Variants in EVL observed in about 807,000 individuals in gnomAD.
EVL encodes the protein Enah/Vasp-like.
Under a neutral mutation model 59.6 loss-of-function variants are expected in EVL, and 21 were observed. That is an observed-to-expected ratio of 0.35 (90% CI 0.25 to 0.51). The LOEUF (loss-of-function observed/expected upper bound fraction) is 0.51, where lower values mean the gene tolerates loss of function less well. EVL is among the 20% of genes least tolerant of loss of function. The pLI, the probability that EVL is intolerant of heterozygous loss-of-function variation, is 0.97. For missense variants in EVL, 462 were observed against 546.6 expected (o/e 0.85, Z 1.54); for synonymous variants, 198 against 203.5 (o/e 0.97, Z 0.23).
At chr14:100,086,090 C>T (rs1481552219) in intron 2 of EVL, among the ~76,000 whole-genome samples, 10 of 152,164 alleles carry the variant, frequency 6.6e-5, no homozygotes, top group East Asian at 5.8e-4. Flanking sequence ...GATCGCACCA[C>T]GGCACTCCAG....
At chr14:100,001,762 AG>A (rs1195690406) in intron 1 of EVL, among the ~76,000 whole-genome samples, 5 of 152,224 alleles carry the variant, frequency 3.3e-5, no homozygotes, top group Non-Finnish European at 5.9e-5. Context: ...AACCCTGTAC[AG>A]GGACTGTGTA....
intron 1 of EVL, among the ~76,000 whole-genome samples, chr14:100,036,719 A>G (rs1329823121): frequency 6.6e-6 from 1 of 152,198 alleles, no homozygotes; most frequent in Non-Finnish European, 1.5e-5. Flanking sequence ...TCATCTTCAA[A>G]ATTGTCAGAC....
intron 1 of EVL, among the ~76,000 whole-genome samples, chr14:100,067,128 C>CTGCTTGCA (rs1400980056): frequency 6.6e-6 from 1 of 152,184 alleles, no homozygotes; most frequent in Non-Finnish European, 1.5e-5. Context: ...CCGTACAAGG[C>CTGCTTGCA]TGCTTGCACT....
At chr14:99,983,852 C>T (rs2060823881) in intron 1 of EVL, among the ~76,000 whole-genome samples, 1 of 152,114 alleles carries the variant, frequency 6.6e-6, no homozygotes, top group Non-Finnish European at 1.5e-5. Context: ...GGGCCCTTTC[C>T]TGTTAATTAC....
chr14:100,143,730 ACCACGTAAGGGGCCGG>A lies in EVL; in HGVS notation c.1252_*10del, dbSNP rs1298406481. 2.5e-6 allele frequency: 4 copies of A among 1,612,398 alleles called. No homozygotes were observed. The highest frequency in any genetic ancestry group is 3.4e-6 in the Non-Finnish European group (4 of 1,179,878). ...CAGGCAGGAGCTGAGTGGGATCAGC[ACCACGTAAGGGGCCGG>A]CCTCGCTGCGCTGATTCGTCGAGCC... On this transcript the variant is annotated stop_lost and 3_prime_UTR_variant, in exon 14 of 14. Transcript: ENST00000392920.
chr14:100,010,950 C>G (rs1471340995), intron 1 of EVL, among the ~76,000 whole-genome samples: 1 of 152,106 alleles, frequency 6.6e-6, no homozygotes, highest in Non-Finnish European at 1.5e-5. Flanking sequence ...GCACTGAGGA[C>G]TGGAAGTTTT....
intron 3 of EVL, chr14:100,107,192 C>T (rs1006152584): frequency 5.0e-6 from 2 of 398,606 alleles, no homozygotes; most frequent in South Asian, 2.5e-4. Flanking sequence ...CACTGTAGGT[C>T]CTCTCAGAAC....
chr14:100,011,648 TAA>T (rs145193531), intron 1 of EVL, among the ~76,000 whole-genome samples: 8,566 of 152,134 alleles, frequency 0.056, 443 homozygotes, highest in East Asian at 0.28. Context: ...TGCCCAAGAG[TAA>T]AGTTTTGACT....
intron 1 of EVL, among the ~76,000 whole-genome samples, chr14:100,007,566 C>T (rs1461131879): frequency 6.6e-6 from 1 of 152,166 alleles, no homozygotes; most frequent in Non-Finnish European, 1.5e-5. Flanking sequence ...TGCGTGATAC[C>T]CTTGGGAACT....
chr14:100,143,846 G>T lies in EVL; in HGVS notation c.*108G>T. On this transcript the variant is annotated 3_prime_UTR_variant, in exon 14 of 14. Coordinates refer to ENST00000392920, the MANE Select transcript of EVL (RefSeq NM_016337.3). ...TGCACCAGAGCACGCACAGGAGCCT[G>T]GGCGCGCTGCTGTGAAACGTCCTGA... 1.5e-6 allele frequency: 2 copies of T among 1,365,670 alleles called. No individual in the cohort carries two copies. The highest frequency in any genetic ancestry group is 1.0e-6 in the Non-Finnish European group (1 of 988,190). 84.6% of individuals were successfully genotyped at this position (1,365,670 alleles called of 1,614,324 possible). A position where few individuals can be genotyped will look rare whatever the true frequency, so the allele number is the denominator to read the frequency against.
At chr14:100,097,399 G>A (rs1376093045) in intron 2 of EVL, 82 bp from the exon 3 acceptor site, 8 of 1,259,742 alleles carry the variant, frequency 6.4e-6, no homozygotes, top group Non-Finnish European at 7.7e-6. Flanking sequence ...CAAGGATACA[G>A]TATACTTGCT....
At position 100,129,822 on chromosome 14, in the gene EVL, T is replaced by TG. The variant is rs561179435; in HGVS notation, c.839+138_839+139insG. ...TTAGCCAAGCAGGGGAAACTGTTAC[T>TG]TAAGTTTTCCCTTCCCAAGGGGTTA... On this transcript the variant is annotated intron_variant, in intron 7 of 13. Transcript: ENST00000392920. 3.3e-5 allele frequency: 43 copies of TG among 1,302,396 alleles called. No homozygotes were observed. The East Asian group carries it at 4.5e-4, about 14-fold the overall frequency. 80.7% of individuals were successfully genotyped at this position (1,302,396 alleles called of 1,614,324 possible).
At chr14:100,104,371 C>T (rs1886426649) in intron 3 of EVL, among the ~76,000 whole-genome samples, 1 of 152,148 alleles carries the variant, frequency 6.6e-6, no homozygotes, top group Non-Finnish European at 1.5e-5. Flanking sequence ...CATTGTTGAT[C>T]AGATCTCTGG....
chr14:100,022,592 T>G (rs1318585039), intron 1 of EVL, among the ~76,000 whole-genome samples: 1 of 152,112 alleles, frequency 6.6e-6, no homozygotes, highest in African/African-American at 2.4e-5. Context: ...CCACATTCGT[T>G]TTTAAAAGGA....
At chr14:99,982,499 G>A (rs1252148249) in intron 1 of EVL, among the ~76,000 whole-genome samples, 2 of 152,150 alleles carry the variant, frequency 1.3e-5, no homozygotes, top group Non-Finnish European at 2.9e-5. Flanking sequence ...GGTTTAACTT[G>A]GAGGTTCTCC....
chr14:100,132,594 C>T, intron 7 of EVL, 125 bp from the exon 8 acceptor site: 3 of 1,106,890 alleles, frequency 2.7e-6, no homozygotes, highest in Non-Finnish European at 2.8e-6. Flanking sequence ...TCCTTCACGC[C>T]ATCGTTTTCC....
At chr14:100,000,764 C>T (rs1228836389) in intron 1 of EVL, among the ~76,000 whole-genome samples, 1 of 152,172 alleles carries the variant, frequency 6.6e-6, no homozygotes, top group East Asian at 1.9e-4. Context: ...CCCAGTTTGA[C>T]TTTTCCCTTT....
intron 1 of EVL, among the ~76,000 whole-genome samples, chr14:100,031,782 G>A (rs2061318634): frequency 6.6e-6 from 1 of 152,210 alleles, no homozygotes. Flanking sequence ...ATCTTCATCA[G>A]CACGAGTGCT....
At chr14:100,116,968 A>T (rs2140356315) in intron 3 of EVL, among the ~76,000 whole-genome samples, 1 of 152,264 alleles carries the variant, frequency 6.6e-6, no homozygotes, top group Non-Finnish European at 1.5e-5. Context: ...TCTGAAGGGG[A>T]TTCGTACAAT....
Sources: gnomAD v4.1 joint callset for allele counts (sites outside exome capture counted in the v4.1 genomes callset) on GRCh38, gnomAD v4.1.1 for gene constraint, MANE v1.5 for transcripts, NCBI Gene and HGNC (gene_info 2026-07-23, HGNC 2026-07-21) for gene names.